CADM2: variants seen among roughly 807,000 people sequenced by gnomAD.
CADM2 encodes the protein cell adhesion molecule 2.
CADM2 carries 12 observed loss-of-function variants against 49.8 expected under a neutral mutation model. That is an observed-to-expected ratio of 0.24 (90% CI 0.15 to 0.39). CADM2 has a LOEUF of 0.39. CADM2 is among the 10% of genes least tolerant of loss of function. The pLI is 1.00. For missense variants in CADM2, 378 were observed against 492.3 expected, an observed-to-expected ratio of 0.77 and a Z score of 2.20; for synonymous variants, 214 against 175.4, an observed-to-expected ratio of 1.22 and a Z score of -1.74.
intron 1 of CADM2, among the ~76,000 whole-genome samples, chr3:85,315,740 A>G (rs903631197): frequency 6.6e-6 from 1 of 152,182 alleles, no homozygotes; most frequent in East Asian, 1.9e-4. Flanking sequence ...TATAGCATTC[A>G]GTTTATCTAT....
chr3:85,951,721 C>T (rs906065962), intron 7 of CADM2, among the ~76,000 whole-genome samples: 4 of 150,996 alleles, frequency 2.6e-5, no homozygotes, highest in Non-Finnish European at 5.9e-5. Flanking sequence ...TGTCCTTGCT[C>T]TTCATGTGCA....
intron 1 of CADM2, among the ~76,000 whole-genome samples, chr3:85,460,090 A>T (rs1317809470): frequency 6.6e-6 from 1 of 152,172 alleles, no homozygotes; most frequent in Non-Finnish European, 1.5e-5. Flanking sequence ...TCATATCTTG[A>T]TACCTTAAAC....
At chr3:85,061,055 T>A (rs970470664) in intron 1 of CADM2, among the ~76,000 whole-genome samples, 2 of 152,026 alleles carry the variant, frequency 1.3e-5, no homozygotes, top group Non-Finnish European at 2.9e-5. Context: ...AGACTCCCTA[T>A]CAGAAATAAA....
chr3:85,816,105 GT>G (rs147955519), intron 3 of CADM2, among the ~76,000 whole-genome samples: 7,125 of 151,822 alleles, frequency 0.047, 212 homozygotes, highest in Non-Finnish European at 0.073. Context: ...AAAGTTTACT[GT>G]TTAACTTTTA....
At chr3:85,260,860 T>C (rs1311235579) in intron 1 of CADM2, among the ~76,000 whole-genome samples, 2 of 152,158 alleles carry the variant, frequency 1.3e-5, no homozygotes, top group East Asian at 3.9e-4. Context: ...GACTCCACGA[T>C]TGTGGAACAG....
chr3:85,661,273 G>A (rs528269478), intron 1 of CADM2, among the ~76,000 whole-genome samples: 38 of 152,048 alleles, frequency 2.5e-4, no homozygotes, highest in Non-Finnish European at 4.1e-4. Flanking sequence ...TTTTTACAAT[G>A]GCTGGCAACA....
intron 1 of CADM2, among the ~76,000 whole-genome samples, chr3:85,623,944 T>C (rs1432439015): frequency 6.6e-6 from 1 of 152,184 alleles, no homozygotes; most frequent in Non-Finnish European, 1.5e-5. Flanking sequence ...GATATTGCTT[T>C]ATTTTGATAC....
chr3:85,009,049 A>G (rs1384621351), intron 1 of CADM2, among the ~76,000 whole-genome samples: 1 of 152,180 alleles, frequency 6.6e-6, no homozygotes, highest in Non-Finnish European at 1.5e-5. Context: ...TAGTGTATGT[A>G]TAGTGAGAGA....
At chr3:85,910,108 A>G (rs1717385992) in intron 5 of CADM2, among the ~76,000 whole-genome samples, 1 of 152,186 alleles carries the variant, frequency 6.6e-6, no homozygotes, top group African/African-American at 2.4e-5. Flanking sequence ...TCCAATTAAT[A>G]TTACATTAAA....
At chr3:85,882,531 A>C in intron 3 of CADM2, among the ~76,000 whole-genome samples, 1 of 151,936 alleles carries the variant, frequency 6.6e-6, no homozygotes, top group Middle Eastern at 3.2e-3. Flanking sequence ...CTTTTAGAGT[A>C]CTCTTTTAGT....
At chr3:85,858,640 C>G (rs919501007) in intron 3 of CADM2, among the ~76,000 whole-genome samples, 8 of 152,200 alleles carry the variant, frequency 5.3e-5, no homozygotes, top group African/African-American at 1.7e-4. Context: ...ATAAACTACT[C>G]CTCTATTACC....
chr3:85,734,337 A>C (rs763215042), intron 2 of CADM2, among the ~76,000 whole-genome samples: 14 of 151,988 alleles, frequency 9.2e-5, no homozygotes, highest in Non-Finnish European at 1.9e-4. Flanking sequence ...GAAGTCATGT[A>C]ATATCCTATA....
intron 1 of CADM2, among the ~76,000 whole-genome samples, chr3:85,475,496 C>T (rs1350870283): frequency 2.6e-5 from 4 of 151,798 alleles, no homozygotes; most frequent in Admixed American, 2.0e-4. Context: ...AAAGACTCAT[C>T]TTTTTTCAGA....
At chr3:86,059,112 AAT>A (rs1491367029) in intron 8 of CADM2, among the ~76,000 whole-genome samples, 11 of 151,574 alleles carry the variant, frequency 7.3e-5, no homozygotes, top group African/African-American at 2.7e-4. Context: ...AAAAAAAAAA[AAT>A]TCCAACACTA....
chr3:85,119,704 G>T (rs993677043), intron 1 of CADM2, among the ~76,000 whole-genome samples: 1 of 152,120 alleles, frequency 6.6e-6, no homozygotes, highest in Non-Finnish European at 1.5e-5. Flanking sequence ...TCTCCTTGAA[G>T]AGGTCCATCA....
chr3:85,336,979 AATAT>A (rs549422386), intron 1 of CADM2, among the ~76,000 whole-genome samples: 3 of 21,516 alleles, frequency 1.4e-4, no homozygotes, highest in Non-Finnish European at 5.4e-4. Flanking sequence ...ATATATATTT[AATAT>A]ATATATATTT....
At chr3:85,720,005 A>G (rs781423440) in intron 1 of CADM2, among the ~76,000 whole-genome samples, 7 of 152,176 alleles carry the variant, frequency 4.6e-5, no homozygotes, top group Non-Finnish European at 1.0e-4. Context: ...AATATTAACA[A>G]TAATTTCCTA....
chr3:85,414,093 G>C (rs960259280), intron 1 of CADM2, among the ~76,000 whole-genome samples: 1 of 151,990 alleles, frequency 6.6e-6, no homozygotes, highest in Non-Finnish European at 1.5e-5. Context: ...TCAAACTCCT[G>C]ACCTTGTAAT....
chr3:85,127,467 G>C (rs2039074934), intron 1 of CADM2, among the ~76,000 whole-genome samples: 1 of 152,200 alleles, frequency 6.6e-6, no homozygotes. Flanking sequence ...TTTGAAGAAT[G>C]GTATATGATT....
Sources: allele counts gnomAD v4.1 joint callset (sites outside exome capture counted in the v4.1 genomes callset), GRCh38; gene constraint gnomAD v4.1.1; transcripts MANE v1.5; gene names NCBI Gene and HGNC (gene_info 2026-07-23, HGNC 2026-07-21).